The following ZNF98 variants were observed in gnomAD, a reference collection of about 807,000 sequenced individuals.
ZNF98 encodes the protein zinc finger protein 739.
Under a neutral mutation model 12.8 loss-of-function variants are expected in ZNF98, and 8 were observed. That is an observed-to-expected ratio of 0.63 (90% CI 0.37 to 1.13). The LOEUF (loss-of-function observed/expected upper bound fraction) is 1.13. Ranked by LOEUF, ZNF98 falls within the 50% of genes most tolerant of loss-of-function variation. The pLI, the probability that ZNF98 is intolerant of heterozygous loss-of-function variation, is 0.01. For synonymous variants in ZNF98, 112 were observed against 223.5 expected (o/e 0.50, Z 4.45); for missense variants, 379 against 666.1 (o/e 0.57, Z 4.74).
intron 1 of ZNF98, among the ~76,000 whole-genome samples, chr19:22,406,565 C>G (rs7247085): frequency 0.43 from 64,822 of 151,888 alleles, 14,054 homozygotes; most frequent in Non-Finnish European, 0.46. Context: ...TGCCTGTAAT[C>G]CCAGCACTTT....
chr19:22,398,487 TCC>T (rs969850040), intron 3 of ZNF98, among the ~76,000 whole-genome samples: 2 of 151,314 alleles, frequency 1.3e-5, no homozygotes, highest in East Asian at 3.9e-4. Context: ...CTCCTCAATC[TCC>T]CAAGTAGACA....
At position 22,407,644 on chromosome 19, in the gene ZNF98, G is replaced by A. The variant is rs570829607; in HGVS notation, c.31-4132C>T. ...GAAGAATTGCTTGAACCCGGGAGGC[G>A]GAGGTTGCAGTGAGCCGAGATAATG... On this transcript the variant is annotated intron_variant, in intron 1 of 3. Coordinates refer to ENST00000357774, the MANE Select transcript of ZNF98 (RefSeq NM_001098626.2). 3.8e-3 allele frequency among the ~76,000 whole-genome samples: 566 copies of A among 150,804 alleles called. 4 individuals are homozygous for A. Among genetic ancestry groups the A allele is most frequent in the African/African-American group, 0.013 (541 of 41,118 alleles).
chr19:22,398,022 T>C (rs1969416825), intron 3 of ZNF98, among the ~76,000 whole-genome samples: 1 of 151,406 alleles, frequency 6.6e-6, no homozygotes, highest in Non-Finnish European at 1.5e-5. Context: ...ATTTTAGCAT[T>C]GTTACTAAAA....
intron 3 of ZNF98, among the ~76,000 whole-genome samples, chr19:22,394,156 G>A (rs1313882297): frequency 6.9e-6 from 1 of 145,190 alleles, no homozygotes; most frequent in African/African-American, 2.6e-5. Flanking sequence ...ATGCCAGTTA[G>A]AATGGTGATC....
intron 1 of ZNF98, among the ~76,000 whole-genome samples, chr19:22,410,590 G>C (rs1364571757): frequency 4.6e-5 from 7 of 152,184 alleles, no homozygotes; most frequent in Non-Finnish European, 1.0e-4. Flanking sequence ...ACACAAACCA[G>C]GGCCTGTTGT....
intron 1 of ZNF98, among the ~76,000 whole-genome samples, chr19:22,407,233 G>T (rs1467269001): frequency 6.6e-6 from 1 of 151,638 alleles, no homozygotes; most frequent in Non-Finnish European, 1.5e-5. Context: ...ATTTTTCTAC[G>T]TTTAGTAGAG....
Position 22,392,579 on chromosome 19 carries a change from T to C in ZNF98, c.656A>G (p.Tyr219Cys), listed in dbSNP as rs575202147. 5.5e-5 allele frequency: 88 copies of C among 1,611,922 alleles called. No homozygotes were observed. Among genetic ancestry groups the C allele is most frequent in the Non-Finnish European group, 7.3e-5 (86 of 1,178,870 alleles). Residue 219 changes from tyrosine (Y) to cysteine (C), a missense_variant, in exon 4 of 4, where the codon TAT becomes TGT. Tyr to Cys is a radical substitution (Grantham distance 194). Around this residue, in one of 8 missense-constraint regions of ZNF98, gnomAD observed 223 missense variants for 261.6 expected, o/e 0.85. Transcript: ENST00000357774. ...TGTAGAAAGGTTTGAGGCCTCATTATAGGCTTTCCCACATTCTTTACATTT... is the reference window on the plus strand; with the variant it reads ...TGTAGAAAGGTTTGAGGCCTCATTACAGGCTTTCCCACATTCTTTACATTT... ...PYKCKECGKAYNEASNLSTHK... is the reference protein window; with the variant it reads ...PYKCKECGKACNEASNLSTHK...
chr19:22,396,643 T>C (rs551882395), intron 3 of ZNF98, among the ~76,000 whole-genome samples: 1 of 152,102 alleles, frequency 6.6e-6, no homozygotes, highest in East Asian at 1.9e-4. Flanking sequence ...TCAGTAGAGA[T>C]CTAATGATAA....
intron 3 of ZNF98, among the ~76,000 whole-genome samples, chr19:22,393,769 G>A (rs1455276254): frequency 1.3e-5 from 2 of 152,128 alleles, no homozygotes; most frequent in Non-Finnish European, 1.5e-5. Context: ...CAGGACACAG[G>A]TATGGGCAAG....
Position 22,393,673 on chromosome 19 carries a change from C to T in ZNF98, c.254-692G>A, listed in dbSNP as rs550631546. Reference sequence around the variant, plus strand: ...CTGGATCCCTTCCTTACACCTTATACAAAAATTAATTCAAAATGGATTAAA... The same window carrying T: ...CTGGATCCCTTCCTTACACCTTATATAAAAATTAATTCAAAATGGATTAAA... On this transcript the variant is annotated intron_variant, in intron 3 of 3. Coordinates refer to ENST00000357774, the MANE Select transcript of ZNF98 (RefSeq NM_001098626.2). 6.1e-3 allele frequency among the ~76,000 whole-genome samples: 935 copies of T among 152,134 alleles called. 12 individuals carry two copies. The highest frequency in any genetic ancestry group is 0.022 in the African/African-American group (902 of 41,466).
chr19:22,416,422 T>G (rs1969643591), intron 1 of ZNF98, among the ~76,000 whole-genome samples: 1 of 146,962 alleles, frequency 6.8e-6, no homozygotes, highest in South Asian at 2.2e-4. Flanking sequence ...GTAACCGAGA[T>G]CGCGCCACTG....
intron 1 of ZNF98, among the ~76,000 whole-genome samples, chr19:22,411,431 T>C (rs1969579135): frequency 6.6e-6 from 1 of 152,260 alleles, no homozygotes; most frequent in South Asian, 2.1e-4. Flanking sequence ...TTTTAGTCTT[T>C]ATCATTCTGT....
chr19:22,391,685 G>C lies in ZNF98; in HGVS notation c.1550C>G (p.Pro517Arg). 3.1e-6 allele frequency: 5 copies of C among 1,613,880 alleles called. No individual in the cohort carries two copies. The highest frequency in any genetic ancestry group is 2.2e-5 in the South Asian group (2 of 91,034). Reference protein sequence around the residue: ...THKMIHTGEKPYKCEECGKAF... With the variant: ...THKMIHTGEKRYKCEECGKAF... ...TTTGCCGCATTCTTCACACTTGTAG[G>C]GTTTCTCTCCAGTATGAATCATCTT... The change falls in exon 4 of 4, where the codon CCC becomes CGC. Residue 517 changes from proline to arginine, a missense_variant. Pro to Arg is a moderately radical substitution (Grantham distance 103, BLOSUM62 -2). This residue lies in a region of ZNF98 where 59 missense variants were observed against 50.3 expected (regional missense o/e 1.17). Coordinates refer to ENST00000357774, the MANE Select transcript of ZNF98 (RefSeq NM_001098626.2).
intron 3 of ZNF98, among the ~76,000 whole-genome samples, chr19:22,395,867 G>GA (rs1188383698): frequency 8.4e-5 from 9 of 107,636 alleles, no homozygotes; most frequent in African/African-American, 4.3e-4. Flanking sequence ...ACAAAGTCCT[G>GA]AGGGGGGGGA....
At position 22,403,283 on chromosome 19, in the gene ZNF98, A is replaced by ACC. The variant is rs377041294; in HGVS notation, c.157+102_157+103insGG. The ACC allele has an allele frequency of 1.1e-5, 15 of 1,365,932 alleles. No individual in the cohort carries two copies. In the African/African-American group the frequency reaches 1.7e-4, roughly 16 times the overall value. The allele number at this position is 1,365,932 out of a possible 1,614,324, so 84.6% of individuals were successfully genotyped here. On this transcript the variant is annotated intron_variant, in intron 2 of 3. Transcript: ENST00000357774. ...TAAAAAAAAAAAACAAAAAAAAAAA[A>ACC]CAGAGATCTGAAAGCATAAACTACC...
intron 3 of ZNF98, among the ~76,000 whole-genome samples, chr19:22,399,182 C>T (rs551231538): frequency 2.0e-3 from 300 of 152,212 alleles, no homozygotes; most frequent in African/African-American, 6.4e-3. Flanking sequence ...CTTGATGTAG[C>T]ATTAACAAAG....
chr19:22,400,896 T>G (rs1969447865), intron 3 of ZNF98, among the ~76,000 whole-genome samples: 1 of 140,692 alleles, frequency 7.1e-6, no homozygotes, highest in Non-Finnish European at 1.5e-5. Context: ...GAGGTTGCAG[T>G]GAGCCGAGGC....
At chr19:22,395,178 G>GAAAAAAAAAAAAAA (rs71180538) in intron 3 of ZNF98, among the ~76,000 whole-genome samples, 5 of 99,852 alleles carry the variant, frequency 5.0e-5, no homozygotes, top group East Asian at 3.1e-4. Flanking sequence ...GTTTCAAAAA[G>GAAAAAAAAAAAAAA]AAAAAAAAAA....
chr19:22,421,662 CA>C (rs1969705590), intron 1 of ZNF98, among the ~76,000 whole-genome samples: 1 of 152,154 alleles, frequency 6.6e-6, no homozygotes, highest in Non-Finnish European at 1.5e-5. Flanking sequence ...GTATTTTCAT[CA>C]TGCATCTTTC....
Sources: allele counts gnomAD v4.1 joint callset (sites outside exome capture counted in the v4.1 genomes callset), GRCh38; gene constraint gnomAD v4.1.1; regional missense constraint gnomAD v4.1.1; transcripts MANE v1.5; gene names NCBI Gene and HGNC (gene_info 2026-07-23, HGNC 2026-07-21).